ZSWIM5: variants seen among roughly 807,000 people sequenced by gnomAD.
The protein encoded by ZSWIM5 is zinc finger SWIM-type containing 5.
ZSWIM5 carries 55 observed loss-of-function variants against 119.6 expected under a neutral mutation model. The ratio of observed to expected loss-of-function variants is 0.46; its 90% CI spans 0.37 to 0.58. The LOEUF is 0.58. Among genes scored for constraint, ZSWIM5 ranks in the 20% least tolerant of loss-of-function variants. ZSWIM5 has a pLI of 0.00. For missense variants in ZSWIM5, 1,193 were observed against 1,512.8 expected (o/e 0.79, Z 3.51); for synonymous variants, 537 against 606.9 (o/e 0.88, Z 1.69).
chr1:45,053,438 G>A (rs1645101400), intron 4 of ZSWIM5, among the ~76,000 whole-genome samples: 4 of 152,038 alleles, frequency 2.6e-5, no homozygotes, highest in Admixed American at 2.0e-4. Flanking sequence ...TCCTGGAGGA[G>A]TTCCAATTTC....
rs143539732 is a variant in ZSWIM5, at chr1:45,048,146, T to C, written c.1432+2928A>G. On this transcript the variant is annotated intron_variant, in intron 5 of 13. Transcript: ENST00000359600. Reference sequence around the variant, plus strand: ...TTGCCCAGGCTGGAGTGCAGTGGCATGACCGTGGCTCATTGAAGCCTTGAC... The same window carrying C: ...TTGCCCAGGCTGGAGTGCAGTGGCACGACCGTGGCTCATTGAAGCCTTGAC... 6.3e-3 allele frequency among the ~76,000 whole-genome samples: 926 copies of C among 147,814 alleles called. 13 individuals carry two copies. The highest frequency in any genetic ancestry group is 0.022 in the African/African-American group (900 of 40,044).
chr1:45,143,188 AAAG>A (rs1402033206), intron 1 of ZSWIM5, among the ~76,000 whole-genome samples: 11 of 150,954 alleles, frequency 7.3e-5, no homozygotes, highest in South Asian at 2.1e-4. Context: ...AAAAAAAAAA[AAAG>A]AAGAAGAAAA....
intron 11 of ZSWIM5, among the ~76,000 whole-genome samples, chr1:45,027,573 T>G (rs1644928125): frequency 6.6e-6 from 1 of 151,974 alleles, no homozygotes; most frequent in Non-Finnish European, 1.5e-5. Flanking sequence ...ATTTTTGTAT[T>G]TTTGTAGAGA....
At chr1:45,152,729 G>T (rs1645804594) in intron 1 of ZSWIM5, among the ~76,000 whole-genome samples, 1 of 152,026 alleles carries the variant, frequency 6.6e-6, no homozygotes, top group Non-Finnish European at 1.5e-5. Context: ...AAAAATATTT[G>T]CAACAAAAAC....
rs532338200 is a variant in ZSWIM5 at position 45,206,518 on chromosome 1, C to T, written c.-168G>A. On this transcript the variant is annotated 5_prime_UTR_variant, in exon 1 of 14. Transcript: ENST00000359600. Reference sequence around the variant, plus strand: ...CCGAGTGGGGAACCGCGGCCGGGCCCGGGAGCGCGCCGCGAGGGCAGACGC... The same window carrying T: ...CCGAGTGGGGAACCGCGGCCGGGCCTGGGAGCGCGCCGCGAGGGCAGACGC... 2.2e-4 allele frequency: 233 copies of T among 1,063,724 alleles called. No homozygotes were observed. The highest frequency in any genetic ancestry group is 1.7e-3 in the Middle Eastern group (4 of 2,352). The allele number at this position is 1,063,724 out of a possible 1,614,324, so 65.9% of individuals were successfully genotyped here.
intron 1 of ZSWIM5, among the ~76,000 whole-genome samples, chr1:45,136,412 A>T (rs2149032588): frequency 6.6e-6 from 1 of 152,232 alleles, no homozygotes; most frequent in South Asian, 2.1e-4. Context: ...CATCCGGCCC[A>T]TTTGGGTTTT....
intron 1 of ZSWIM5, among the ~76,000 whole-genome samples, chr1:45,171,608 T>C (rs1308043098): frequency 6.6e-6 from 1 of 152,072 alleles, no homozygotes; most frequent in African/African-American, 2.4e-5. Context: ...ATCATACTAT[T>C]ATAATTCCAT....
chr1:45,164,903 TCAA>T (rs1432596387), intron 1 of ZSWIM5, among the ~76,000 whole-genome samples: 1 of 152,062 alleles, frequency 6.6e-6, no homozygotes, highest in Admixed American at 6.6e-5. Context: ...ATTAGACAGA[TCAA>T]CGAGACAGAA....
chr1:45,183,311 T>G (rs1570193450), intron 1 of ZSWIM5, among the ~76,000 whole-genome samples: 1 of 150,714 alleles, frequency 6.6e-6, no homozygotes, highest in East Asian at 2.0e-4. Context: ...GATCCAAAAT[T>G]GACACCCTAA....
intron 2 of ZSWIM5, among the ~76,000 whole-genome samples, chr1:45,079,668 C>T (rs1645277640): frequency 6.6e-6 from 1 of 152,078 alleles, no homozygotes; most frequent in Admixed American, 6.6e-5. Context: ...CTTTTACTTT[C>T]ACTTTTCTCA....
rs555805849 is a variant in ZSWIM5 at position 45,185,493 on chromosome 1, C to T, written c.595+20263G>A. Reference sequence around the variant, plus strand: ...ACAGAATGGGAGAAAATTTTTGCAACCTACTCATCTGACAAAGGGCTAATA... The same window carrying T: ...ACAGAATGGGAGAAAATTTTTGCAATCTACTCATCTGACAAAGGGCTAATA... On this transcript the variant is annotated intron_variant, in intron 1 of 13. Transcript: ENST00000359600. 7.0e-3 allele frequency among the ~76,000 whole-genome samples: 1,004 copies of T among 144,066 alleles called. 12 individuals carry two copies. The highest frequency in any genetic ancestry group is 0.023 in the African/African-American group (938 of 40,192). 94.5% of individuals were successfully genotyped at this position (144,066 alleles called of 152,430 possible). A position where few individuals can be genotyped will look rare whatever the true frequency, so the allele number is the denominator to read the frequency against.
intron 8 of ZSWIM5, 111 bp from the exon 9 acceptor site, chr1:45,036,410 A>C: frequency 6.9e-7 from 1 of 1,441,388 alleles, no homozygotes; most frequent in Non-Finnish European, 9.2e-7. Context: ...GCTGGAGTAC[A>C]GTGGTGCAAT....
At chr1:45,169,526 T>G (rs955579244) in intron 1 of ZSWIM5, among the ~76,000 whole-genome samples, 3 of 152,080 alleles carry the variant, frequency 2.0e-5, no homozygotes, top group Non-Finnish European at 4.4e-5. Context: ...CTAAAGCCCA[T>G]GTAATCATCA....
rs139548010 is a variant in ZSWIM5, at chr1:45,048,033, G to GTTTCTTTCTTTC, written c.1432+3029_1432+3040dup. Among the ~76,000 whole-genome samples the GTTTCTTTCTTTC allele has an allele frequency of 5.2e-3, 670 of 128,212 alleles. 15 individuals are homozygous for GTTTCTTTCTTTC. Among genetic ancestry groups the GTTTCTTTCTTTC allele is most frequent in the Non-Finnish European group, 5.9e-3 (377 of 63,568 alleles). The allele number at this position is 128,212 out of a possible 152,430, so 84.1% of individuals were successfully genotyped here. On this transcript the variant is annotated intron_variant, in intron 5 of 13. Transcript: ENST00000359600. ...TAAAATAAGACCAGTTATTATGGTT[G>GTTTCTTTCTTTC]TTTCTTTCTTTCTTTCTTTCTTTCT...
At chr1:45,106,989 T>A (rs2149021146) in intron 1 of ZSWIM5, among the ~76,000 whole-genome samples, 1 of 152,324 alleles carries the variant, frequency 6.6e-6, no homozygotes, top group African/African-American at 2.4e-5. Flanking sequence ...CAAGATGTGC[T>A]TTGTTAAACA....
intron 11 of ZSWIM5, among the ~76,000 whole-genome samples, chr1:45,032,390 A>C (rs1644957932): frequency 6.6e-6 from 1 of 152,016 alleles, no homozygotes; most frequent in Non-Finnish European, 1.5e-5. Flanking sequence ...TTGGCCTCCT[A>C]AAGTGCTGGG....
At chr1:45,065,591 C>T (rs902101286) in intron 2 of ZSWIM5, among the ~76,000 whole-genome samples, 1 of 152,140 alleles carries the variant, frequency 6.6e-6, no homozygotes, top group African/African-American at 2.4e-5. Context: ...ACTAACAGTA[C>T]AACTTCACCT....
chr1:45,094,100 G>A (rs1645384888), intron 1 of ZSWIM5, among the ~76,000 whole-genome samples: 1 of 151,290 alleles, frequency 6.6e-6, no homozygotes, highest in African/African-American at 2.4e-5. Context: ...CCTGTCGCCA[G>A]GCTGGAGTGC....
chr1:45,118,577 C>T (rs536192074), intron 1 of ZSWIM5, among the ~76,000 whole-genome samples: 1 of 151,796 alleles, frequency 6.6e-6, no homozygotes, highest in East Asian at 1.9e-4. Context: ...CCCATCTCTA[C>T]AAAAAATACA....
Sources: allele counts gnomAD v4.1 joint callset (sites outside exome capture counted in the v4.1 genomes callset), GRCh38; gene constraint gnomAD v4.1.1; transcripts MANE v1.5; gene names NCBI Gene and HGNC (gene_info 2026-07-23, HGNC 2026-07-21).